PSIP1: variants seen among roughly 807,000 people sequenced by gnomAD.
PSIP1 encodes PC4 and SFRS1-interacting protein.
Under a neutral mutation model 74.7 loss-of-function variants are expected in PSIP1, and 19 were observed. The observed-to-expected ratio is 0.25, with a 90% CI of 0.18 to 0.37. The LOEUF (loss-of-function observed/expected upper bound fraction) is 0.37, where lower values mean the gene tolerates loss of function less well. Among genes scored for constraint, PSIP1 ranks in the 10% least tolerant of loss-of-function variants. The pLI is 1.00. For synonymous variants in PSIP1, 222 were observed against 195.3 expected (o/e 1.14, Z -1.14); for missense variants, 601 against 614.3 (o/e 0.98, Z 0.23).
At chr9:15,490,550 G>C (rs1034616461) in intron 3 of PSIP1, among the ~76,000 whole-genome samples, 1 of 151,946 alleles carries the variant, frequency 6.6e-6, no homozygotes, top group Non-Finnish European at 1.5e-5. Context: ...GGGCGTGGTG[G>C]CGTGCACCTG....
chr9:15,487,273 C>T (rs781394742), intron 4 of PSIP1, among the ~76,000 whole-genome samples: 3 of 151,924 alleles, frequency 2.0e-5, no homozygotes, highest in Non-Finnish European at 4.4e-5. Flanking sequence ...CATAAAGGTG[C>T]AATCACAGGA....
At chr9:15,482,692 A>C (rs1382004888) in intron 6 of PSIP1, among the ~76,000 whole-genome samples, 1 of 152,240 alleles carries the variant, frequency 6.6e-6, no homozygotes, top group Non-Finnish European at 1.5e-5. Flanking sequence ...TTTGCAGAGA[A>C]AAAGTGTTAA....
At chr9:15,465,642 G>T (rs1364917786) in intron 15 of PSIP1, 62 bp from the exon 16 acceptor site, 5 of 1,341,768 alleles carry the variant, frequency 3.7e-6, no homozygotes, top group African/African-American at 1.5e-5. Context: ...AGGAAAAAAA[G>T]ACATTAAGTC....
chr9:15,466,453 A>T (rs1224623781), intron 15 of PSIP1, among the ~76,000 whole-genome samples: 9 of 152,252 alleles, frequency 5.9e-5, no homozygotes, highest in Non-Finnish European at 1.3e-4. Context: ...AATTCAAGAA[A>T]GTGTGAATGC....
chr9:15,474,389 GAACATCCTTTTGGTAT>G, intron 8 of PSIP1, 152 bp from the exon 9 acceptor site: 4 of 632,284 alleles, frequency 6.3e-6, no homozygotes, highest in Non-Finnish European at 1.0e-5. Context: ...TTCTGTCACA[GAACATCCTTTTGGTAT>G]AAATTAGAAG....
chr9:15,492,626 G>A (rs145731781), intron 3 of PSIP1, among the ~76,000 whole-genome samples: 29 of 152,224 alleles, frequency 1.9e-4, no homozygotes, highest in Admixed American at 4.6e-4. Flanking sequence ...ACTCGGTGTC[G>A]GGGATGCAAC....
intron 3 of PSIP1, among the ~76,000 whole-genome samples, chr9:15,500,748 C>T (rs964769827): frequency 6.6e-6 from 1 of 152,164 alleles, no homozygotes; most frequent in African/African-American, 2.4e-5. Flanking sequence ...GAGCACCCAA[C>T]TTCTTTGCAT....
chr9:15,502,600 C>T (rs1416386625), intron 3 of PSIP1, among the ~76,000 whole-genome samples: 2 of 152,140 alleles, frequency 1.3e-5, no homozygotes, highest in African/African-American at 4.8e-5. Context: ...GAAGTAATTA[C>T]GCATGGACTT....
At chr9:15,469,195 G>A in intron 12 of PSIP1, 71 bp downstream of exon 12, 1 of 1,321,596 alleles carries the variant, frequency 7.6e-7, no homozygotes, top group African/African-American at 1.5e-5. Flanking sequence ...ATACTCATAA[G>A]ATCATGTGAG....
In PSIP1 at chr9:15,478,426, A is replaced by G. The variant is rs776696209; in HGVS notation, c.629+51T>C. 7.5e-6 allele frequency: 10 copies of G among 1,329,638 alleles called. No individual in the cohort carries two copies. In the South Asian group the frequency reaches 1.1e-4, roughly 15 times the overall value. The allele number at this position is 1,329,638 out of a possible 1,614,324, so 82.4% of individuals were successfully genotyped here. ...AAATCGCAGAGATATGTGCTTGTTT[A>G]AAGTCAAATGTCTCATTTATTGCAT... On this transcript the variant is annotated intron_variant, in intron 8 of 15. Transcript: ENST00000380733.
intron 3 of PSIP1, among the ~76,000 whole-genome samples, chr9:15,501,807 T>G (rs1171150626): frequency 7.0e-6 from 1 of 143,598 alleles, no homozygotes; most frequent in Non-Finnish European, 1.5e-5. Context: ...GATACCAAAA[T>G]TCACAGATGT....
intron 3 of PSIP1, among the ~76,000 whole-genome samples, chr9:15,490,797 C>A (rs1294511053): frequency 1.3e-5 from 2 of 151,198 alleles, no homozygotes; most frequent in Non-Finnish European, 2.9e-5. Context: ...AATATAGTTT[C>A]ACTTCAAAAT....
rs1467869075 is a variant in PSIP1, at chr9:15,469,004, TTG to T, written c.1157_1158del (p.Thr386AsnfsTer23). ...TCTGTGTGTTTCTGAGCTTGTTGCA[TTG>T]TGACCTGAAGTGAAGCAAGTTCATC... is the stretch of plus-strand genomic sequence containing the variant. ...ALDELASLQV[T>X]MQQAQKHTEM... On this transcript the variant is annotated frameshift_variant, in exon 13 of 16. Coordinates refer to ENST00000380733, the MANE Select transcript of PSIP1 (RefSeq NM_033222.5). LOFTEE classifies it high-confidence loss of function. 2 of 1,614,042 alleles carry T rather than the reference TTG, an allele frequency of 1.2e-6. No homozygotes were observed. Among genetic ancestry groups the T allele is most frequent in the Non-Finnish European group, 1.7e-6 (2 of 1,179,980 alleles).
At chr9:15,488,818 G>A (rs2737839) in intron 4 of PSIP1, among the ~76,000 whole-genome samples, 2,360 of 152,176 alleles carry the variant, frequency 0.016, 20 homozygotes, top group African/African-American at 0.035. Context: ...TCAGGAGATC[G>A]AGACCATCCT....
intron 6 of PSIP1, among the ~76,000 whole-genome samples, chr9:15,483,548 A>C (rs553236356): frequency 6.6e-6 from 1 of 152,152 alleles, no homozygotes; most frequent in Admixed American, 6.5e-5. Context: ...AAACCCTCTT[A>C]TTTTAAATAT....
In PSIP1 at chr9:15,485,312, G is replaced by C. The variant is rs139364350; in HGVS notation, c.456+694C>G. ...TGTGTCCTTCCCTGCTCCTTCATCC[G>C]CCTGACAAAATTCTGCCTGTATTTT... On this transcript the variant is annotated intron_variant, in intron 6 of 15. Transcript: ENST00000380733. 1.5e-3 allele frequency among the ~76,000 whole-genome samples: 221 copies of C among 151,938 alleles called. 1 individual carries two copies. The highest frequency in any genetic ancestry group is 5.1e-3 in the African/African-American group (211 of 41,414).
chr9:15,469,735 T>TTAAACA (rs2035755067), intron 11 of PSIP1, among the ~76,000 whole-genome samples: 2 of 151,940 alleles, frequency 1.3e-5, no homozygotes, highest in African/African-American at 4.8e-5. Flanking sequence ...TTAATGAGCA[T>TTAAACA]TAAACATAAA....
chr9:15,502,813 A>C (rs1285881901), intron 3 of PSIP1, among the ~76,000 whole-genome samples: 1 of 152,226 alleles, frequency 6.6e-6, no homozygotes, highest in African/African-American at 2.4e-5. Flanking sequence ...TGTTAGGTTT[A>C]AAATATCTAG....
Position 15,468,703 on chromosome 9 carries a change from C to G in PSIP1, c.1347G>C (p.Gln449His). The G allele has an allele frequency of 6.2e-7, 1 of 1,614,134 alleles. No individual in the cohort carries two copies. Among genetic ancestry groups the G allele is most frequent in the East Asian group, 2.2e-5 (1 of 44,874 alleles). The part of the protein sequence containing the change: ...VLNKSLAEQR[Q>H]HEEANKTKDQ... ...CTTTGGTTTTATTCGCTTCCTCATGCTGTCTTTGTTCAGCAAGAGATTTAT... is the reference window on the plus strand; with the variant it reads ...CTTTGGTTTTATTCGCTTCCTCATGGTGTCTTTGTTCAGCAAGAGATTTAT... Residue 449 changes from glutamine to histidine, a missense_variant, in exon 14 of 16, where the codon CAG (glutamine) becomes CAC (histidine). Around this residue, in one of 2 missense-constraint regions of PSIP1, gnomAD observed 538 missense variants for 507.6 expected, o/e 1.06. Transcript: ENST00000380733.
Sources: allele counts gnomAD v4.1 joint callset (sites outside exome capture counted in the v4.1 genomes callset), GRCh38; gene constraint gnomAD v4.1.1; regional missense constraint gnomAD v4.1.1; transcripts MANE v1.5; gene names NCBI Gene and HGNC (gene_info 2026-07-23, HGNC 2026-07-21).